Variants in DLG2 observed in about 807,000 individuals in gnomAD.
The protein encoded by DLG2 is disks large homolog 2.
DLG2 carries 45 observed loss-of-function variants against 132.5 expected under a neutral mutation model. That is an observed-to-expected ratio of 0.34 (90% CI 0.27 to 0.44). The LOEUF is 0.44. DLG2 is among the 20% of genes least tolerant of loss of function. The pLI, the probability that DLG2 is intolerant of heterozygous loss-of-function variation, is 1.00. For synonymous variants in DLG2, 424 were observed against 419.6 expected (o/e 1.01, Z -0.13); for missense variants, 1,045 against 1,196.9 (o/e 0.87, Z 1.87).
chr11:84,397,424 T>G (rs2098814399), intron 7 of DLG2, among the ~76,000 whole-genome samples: 2 of 152,274 alleles, frequency 1.3e-5, no homozygotes, highest in Non-Finnish European at 2.9e-5. Context: ...ATGAATTCTC[T>G]TAGCCTTGTT....
chr11:83,843,890 G>C (rs2058098487), intron 16 of DLG2, among the ~76,000 whole-genome samples: 1 of 152,100 alleles, frequency 6.6e-6, no homozygotes, highest in African/African-American at 2.4e-5. Flanking sequence ...TCATTACAAA[G>C]CAGCTAAAAA....
chr11:85,435,475 A>G (rs564790912), intron 3 of DLG2, among the ~76,000 whole-genome samples: 4 of 152,294 alleles, frequency 2.6e-5, no homozygotes, highest in Admixed American at 2.6e-4. Context: ...CTCAGAATAC[A>G]AAATTAATGT....
intron 7 of DLG2, among the ~76,000 whole-genome samples, chr11:84,413,630 G>A (rs2098917939): frequency 1.3e-5 from 2 of 152,084 alleles, no homozygotes; most frequent in Non-Finnish European, 2.9e-5. Flanking sequence ...TTTTTGTTTT[G>A]AGGGCCTTTC....
chr11:84,808,045 T>G (rs1180512602), intron 6 of DLG2, among the ~76,000 whole-genome samples: 1 of 152,098 alleles, frequency 6.6e-6, no homozygotes, highest in Non-Finnish European at 1.5e-5. Flanking sequence ...GAATACATAT[T>G]TTTTCTCAAG....
chr11:83,462,186 C>T (rs1366873797), intron 26 of DLG2, 93 bp from the exon 27 acceptor site: 11 of 845,182 alleles, frequency 1.3e-5, no homozygotes, highest in African/African-American at 5.1e-5. Flanking sequence ...CTACAGAAAA[C>T]ATAGTGTAAT....
chr11:83,624,523 T>C (rs725192), intron 19 of DLG2, among the ~76,000 whole-genome samples: 28,789 of 152,118 alleles, frequency 0.19, 2,872 homozygotes, highest in African/African-American at 0.19. Flanking sequence ...AAAATATAAA[T>C]GAAGAATCAA....
At chr11:85,613,972 G>A (rs1251039764) in intron 2 of DLG2, among the ~76,000 whole-genome samples, 3 of 152,098 alleles carry the variant, frequency 2.0e-5, no homozygotes, top group Non-Finnish European at 2.9e-5. Flanking sequence ...CCACCTTTAA[G>A]AGCTGTAACA....
intron 21 of DLG2, among the ~76,000 whole-genome samples, chr11:83,514,969 G>T (rs978163845): frequency 6.6e-6 from 1 of 152,160 alleles, no homozygotes; most frequent in Non-Finnish European, 1.5e-5. Flanking sequence ...GTTCATCAGG[G>T]ATATTGGTCT....
chr11:84,653,644 A>C (rs2099684724), intron 6 of DLG2, among the ~76,000 whole-genome samples: 1 of 152,126 alleles, frequency 6.6e-6, no homozygotes, highest in African/African-American at 2.4e-5. Context: ...AAGCAGACAC[A>C]TTATGCATCA....
At position 84,206,692 on chromosome 11, in the gene DLG2, C is replaced by A. The variant is rs1390631902; in HGVS notation, c.574-43181G>T. On this transcript the variant is annotated intron_variant, in intron 8 of 27. Coordinates refer to ENST00000376104, the MANE Select transcript of DLG2 (RefSeq NM_001142699.3). ...AAAATAATCGGACAGTATCTTTATACCTATTTGTGATAATGCTTCCATTAC... is the reference window on the plus strand; with the variant it reads ...AAAATAATCGGACAGTATCTTTATAACTATTTGTGATAATGCTTCCATTAC... Among the ~76,000 whole-genome samples the A allele has an allele frequency of 2.6e-5, 4 of 151,952 alleles. 1 individual carries two copies. The South Asian group carries it at 8.3e-4, about 31-fold the overall frequency.
At chr11:84,223,594 T>C (rs1404485552) in intron 8 of DLG2, among the ~76,000 whole-genome samples, 3 of 150,970 alleles carry the variant, frequency 2.0e-5, no homozygotes. Context: ...TCTCACTCTG[T>C]CATCCAGGCT....
At chr11:85,044,725 C>T (rs555882122) in intron 6 of DLG2, among the ~76,000 whole-genome samples, 1 of 152,086 alleles carries the variant, frequency 6.6e-6, no homozygotes, top group African/African-American at 2.4e-5. Flanking sequence ...CTGTGTAACC[C>T]ATCAGAAAAG....
chr11:85,454,180 C>T (rs75973627), intron 3 of DLG2, among the ~76,000 whole-genome samples: 1,724 of 150,822 alleles, frequency 0.011, 13 homozygotes, highest in Non-Finnish European at 0.018. Context: ...TAAGCATTCC[C>T]CTTTCTCCTC....
chr11:83,590,754 A>T (rs2097174119), intron 19 of DLG2, among the ~76,000 whole-genome samples: 2 of 152,192 alleles, frequency 1.3e-5, no homozygotes, highest in Non-Finnish European at 1.5e-5. Context: ...CAAGACTAAT[A>T]AAGAAAAAAA....
intron 5 of DLG2, among the ~76,000 whole-genome samples, chr11:85,135,522 G>A (rs1360357224): frequency 6.6e-6 from 1 of 152,178 alleles, no homozygotes; most frequent in Admixed American, 6.5e-5. Context: ...AAGGGAGCCT[G>A]ATTAGTCTTC....
At chr11:84,117,683 A>G (rs1026858705) in intron 9 of DLG2, among the ~76,000 whole-genome samples, 4 of 152,204 alleles carry the variant, frequency 2.6e-5, no homozygotes, top group African/African-American at 9.7e-5. Context: ...TATCAGTTAT[A>G]TTATAAGAAT....
intron 22 of DLG2, 146 bp from the exon 23 acceptor site, chr11:83,472,923 C>T (rs1346074235): frequency 4.5e-6 from 3 of 667,402 alleles, no homozygotes; most frequent in African/African-American, 3.7e-5. Context: ...ATAACTTCAT[C>T]CTCATAAAAC....
At chr11:83,668,702 A>AACACATATATATGTGTATATAAAC (rs2076187738) in intron 18 of DLG2, among the ~76,000 whole-genome samples, 3 of 14,286 alleles carry the variant, frequency 2.1e-4, no homozygotes, top group Admixed American at 6.5e-4. Context: ...TGTGTATATA[A>AACACATATATATGTGTATATAAAC]ACACATATAT....
intron 7 of DLG2, among the ~76,000 whole-genome samples, chr11:84,453,528 G>C (rs760273743): frequency 6.6e-6 from 1 of 151,506 alleles, no homozygotes; most frequent in Non-Finnish European, 1.5e-5. Context: ...TGGAGTTAAG[G>C]TTCCAACAAG....
Sources: allele counts gnomAD v4.1 joint callset (sites outside exome capture counted in the v4.1 genomes callset), GRCh38; gene constraint gnomAD v4.1.1; transcripts MANE v1.5; gene names NCBI Gene and HGNC (gene_info 2026-07-23, HGNC 2026-07-21).